The following ALK variants were observed in gnomAD, a reference collection of about 807,000 sequenced individuals.
ALK encodes the protein ALK receptor tyrosine kinase, also known as ALK tyrosine kinase receptor.
In ALK, 74 loss-of-function variants were observed where a neutral mutation model predicts 163.1. That is an observed-to-expected ratio of 0.45 (90% CI 0.38 to 0.55). ALK has a LOEUF of 0.55. Among genes scored for constraint, ALK ranks in the 20% least tolerant of loss-of-function variants. ALK has a pLI of 0.00. For missense variants in ALK, 2,063 were observed against 2,105.3 expected (o/e 0.98, Z 0.39); for synonymous variants, 960 against 843.2 (o/e 1.14, Z -2.40).
chr2:29,677,267 TCCC>T (rs1402881973), intron 3 of ALK, among the ~76,000 whole-genome samples: 1 of 29,098 alleles, frequency 3.4e-5, no homozygotes, highest in Non-Finnish European at 7.3e-5. Flanking sequence ...TCCCCTCCCC[TCCC>T]CTCCCATCCC....
intron 4 of ALK, among the ~76,000 whole-genome samples, chr2:29,431,932 C>T (rs1670282148): frequency 1.3e-5 from 2 of 151,992 alleles, no homozygotes; most frequent in Admixed American, 1.3e-4. Context: ...CCTGTCCCGT[C>T]CCGTCCCGTC....
intron 1 of ALK, among the ~76,000 whole-genome samples, chr2:29,914,281 C>T (rs1667776175): frequency 6.6e-6 from 1 of 152,160 alleles, no homozygotes; most frequent in South Asian, 2.1e-4. Context: ...TCTTCATTTC[C>T]CATACATCCC....
At chr2:29,777,060 T>C (rs987335930) in intron 1 of ALK, among the ~76,000 whole-genome samples, 3 of 152,128 alleles carry the variant, frequency 2.0e-5, no homozygotes, top group African/African-American at 7.2e-5. Context: ...CTCAAGAATG[T>C]GTCTCCTCAA....
chr2:29,377,466 C>A (rs1668783450), intron 5 of ALK, among the ~76,000 whole-genome samples: 1 of 99,428 alleles, frequency 1.0e-5, no homozygotes, highest in Non-Finnish European at 1.9e-5. Flanking sequence ...CAGAGTGAGA[C>A]TACATCTCAA....
Position 29,403,852 on chromosome 2 carries a change from C to T in ALK, c.1155-19993G>A, listed in dbSNP as rs1669512484. On this transcript the variant is annotated intron_variant, in intron 4 of 28. Transcript: ENST00000389048. The stretch of plus-strand genomic sequence containing the variant: ...ATTTGAGCCAGGGAAGTTGAGGCTG[C>T]AGTGAGCAATGATCGTGCCACTGCA... Among the ~76,000 whole-genome samples the T allele has an allele frequency of 2.6e-5, 4 of 151,634 alleles. No homozygotes were observed. In the South Asian group the frequency reaches 6.3e-4, roughly 24 times the overall value.
Position 29,296,637 on chromosome 2 carries a change from A to C in ALK, c.1817+251T>G, listed in dbSNP as rs184710949. ...GACACTGGGGGTAGCCAACCAGGCC[A>C]TACCAGTGGTCCCGAGACAAGTGTT... On this transcript the variant is annotated intron_variant, in intron 9 of 28. Transcript: ENST00000389048. Among the ~76,000 whole-genome samples, 47 of 152,326 alleles carry C rather than the reference A, an allele frequency of 3.1e-4. 1 individual carries two copies. In the East Asian group the frequency reaches 8.5e-3, roughly 28 times the overall value.
chr2:29,211,550 A>C lies in ALK; in HGVS notation c.3744-1672T>G, dbSNP rs546354781. 5.3e-5 allele frequency among the ~76,000 whole-genome samples: 8 copies of C among 152,294 alleles called. No individual in the cohort carries two copies. The South Asian group carries it at 1.2e-3, about 24-fold the overall frequency. On this transcript the variant is annotated intron_variant, in intron 24 of 28. Coordinates refer to ENST00000389048, the MANE Select transcript of ALK (RefSeq NM_004304.5). The stretch of plus-strand genomic sequence containing the variant: ...CAAAGGAAAAAGATCCAATTTTTTT[A>C]AAAAAATGGAAGCATGTGGATCTGG...
chr2:29,796,121 T>C (rs1261265789), intron 1 of ALK, among the ~76,000 whole-genome samples: 2 of 152,150 alleles, frequency 1.3e-5, no homozygotes, highest in East Asian at 3.9e-4. Flanking sequence ...ATCTAGGTAT[T>C]ATGGCAGAAA....
chr2:29,307,343 T>C (rs550851035), intron 8 of ALK, among the ~76,000 whole-genome samples: 58 of 152,330 alleles, frequency 3.8e-4, no homozygotes, highest in African/African-American at 1.3e-3. Flanking sequence ...ATTCCAATAG[T>C]AGAGACAAAA....
At chr2:29,283,396 A>T (rs1665763922) in intron 9 of ALK, among the ~76,000 whole-genome samples, 1 of 152,102 alleles carries the variant, frequency 6.6e-6, no homozygotes, top group Non-Finnish European at 1.5e-5. Context: ...AGGGACAGGG[A>T]TGTCTGCTCC....
intron 24 of ALK, among the ~76,000 whole-genome samples, chr2:29,211,676 C>T (rs556091275): frequency 1.3e-5 from 2 of 152,090 alleles, no homozygotes; most frequent in East Asian, 1.9e-4. Flanking sequence ...AGAGAGAATT[C>T]GAGGCAACTC....
At chr2:29,784,737 A>C (rs1374994013) in intron 1 of ALK, among the ~76,000 whole-genome samples, 1 of 123,240 alleles carries the variant, frequency 8.1e-6, no homozygotes, top group Non-Finnish European at 1.8e-5. Flanking sequence ...ACAACAACAA[A>C]GAACTGATCC....
At chr2:29,285,165 C>T (rs1665819723) in intron 9 of ALK, among the ~76,000 whole-genome samples, 1 of 152,228 alleles carries the variant, frequency 6.6e-6, no homozygotes, top group Non-Finnish European at 1.5e-5. Context: ...GCTCCAATCA[C>T]TTGCCACTGG....
intron 3 of ALK, among the ~76,000 whole-genome samples, chr2:29,647,420 T>A (rs1676910094): frequency 6.6e-6 from 1 of 152,168 alleles, no homozygotes; most frequent in African/African-American, 2.4e-5. Context: ...GCTTCTCAGT[T>A]GACTTCCCCA....
intron 9 of ALK, among the ~76,000 whole-genome samples, chr2:29,277,724 T>C (rs1245342546): frequency 1.3e-5 from 2 of 152,154 alleles, no homozygotes; most frequent in Non-Finnish European, 2.9e-5. Context: ...TGGAGAACCT[T>C]CAAATCCTGT....
chr2:29,293,737 C>T (rs1056576921), intron 9 of ALK, among the ~76,000 whole-genome samples: 1 of 152,116 alleles, frequency 6.6e-6, no homozygotes, highest in African/African-American at 2.4e-5. Context: ...TAGCGCTGGA[C>T]AGATCACACA....
intron 1 of ALK, among the ~76,000 whole-genome samples, chr2:29,820,964 G>A (rs1665030731): frequency 6.6e-6 from 1 of 152,206 alleles, no homozygotes; most frequent in South Asian, 2.1e-4. Flanking sequence ...CAGGGGTTGG[G>A]GGTAGAGCAG....
intron 1 of ALK, among the ~76,000 whole-genome samples, chr2:29,737,599 G>A (rs1057294358): frequency 6.6e-6 from 1 of 152,058 alleles, no homozygotes; most frequent in Non-Finnish European, 1.5e-5. Context: ...GCAAAGCACA[G>A]TGATAATTTT....
intron 9 of ALK, among the ~76,000 whole-genome samples, chr2:29,285,180 C>T (rs972664926): frequency 6.6e-6 from 1 of 152,184 alleles, no homozygotes; most frequent in Non-Finnish European, 1.5e-5. Flanking sequence ...CACTGGGCCC[C>T]TCAAAAGACC....
Sources: gnomAD v4.1 joint callset for allele counts (sites outside exome capture counted in the v4.1 genomes callset) on GRCh38, gnomAD v4.1.1 for gene constraint, MANE v1.5 for transcripts, NCBI Gene and HGNC (gene_info 2026-07-23, HGNC 2026-07-21) for gene names.